PLXDC2: variants seen among roughly 807,000 people sequenced by gnomAD.
PLXDC2 encodes the protein plexin domain-containing protein 2.
Under a neutral mutation model 68.9 loss-of-function variants are expected in PLXDC2, and 40 were observed. That is an observed-to-expected ratio of 0.58 (90% CI 0.45 to 0.76). The LOEUF is 0.76. Among genes scored for constraint, PLXDC2 ranks in the 30% least tolerant of loss-of-function variants. The pLI is 0.00. For missense variants in PLXDC2, 644 were observed against 661.9 expected (o/e 0.97, Z 0.30); for synonymous variants, 243 against 234.2 (o/e 1.04, Z -0.34).
At chr10:19,925,848 C>A (rs1833530582) in intron 1 of PLXDC2, among the ~76,000 whole-genome samples, 1 of 152,142 alleles carries the variant, frequency 6.6e-6, no homozygotes, top group South Asian at 2.1e-4. Context: ...CTGCTGTTTT[C>A]CACACAGTAA....
intron 4 of PLXDC2, among the ~76,000 whole-genome samples, chr10:20,090,086 A>T (rs534862424): frequency 6.6e-6 from 1 of 152,310 alleles, no homozygotes; most frequent in Admixed American, 6.5e-5. Context: ...GAATCTTCCC[A>T]GTTGGTAAAC....
chr10:20,253,656 T>C (rs1439739553), intron 13 of PLXDC2, among the ~76,000 whole-genome samples: 2 of 152,120 alleles, frequency 1.3e-5, no homozygotes, highest in African/African-American at 4.8e-5. Context: ...ACCTAGGGAT[T>C]CTGTAACTTT....
chr10:19,903,675 C>G (rs1453108701), intron 1 of PLXDC2, among the ~76,000 whole-genome samples: 1 of 144,626 alleles, frequency 6.9e-6, no homozygotes, highest in Non-Finnish European at 1.5e-5. Flanking sequence ...GTTTCACTTT[C>G]ATTTAGTTCT....
intron 1 of PLXDC2, among the ~76,000 whole-genome samples, chr10:19,834,377 CTG>C (rs1836751507): frequency 1.3e-5 from 2 of 149,538 alleles, no homozygotes; most frequent in Middle Eastern, 3.2e-3. Flanking sequence ...CTGTGTGTGT[CTG>C]TGAAGAGACA....
rs183947762 is a variant in PLXDC2 at position 19,820,038 on chromosome 10, T to C, written c.112+2847T>C. ...TAAAAATATGAAATATGAGTTTCTT[T>C]TTCCTTTAGAGAACAGATACAAGTT... On this transcript the variant is annotated intron_variant, in intron 1 of 13. Coordinates refer to ENST00000377252, the MANE Select transcript of PLXDC2 (RefSeq NM_032812.9). Among the ~76,000 whole-genome samples the C allele has an allele frequency of 2.6e-5, 4 of 152,360 alleles. No individual in the cohort carries two copies. The East Asian group carries it at 7.7e-4, about 29-fold the overall frequency.
chr10:19,938,981 A>G (rs1035093312), intron 1 of PLXDC2, among the ~76,000 whole-genome samples: 5 of 152,146 alleles, frequency 3.3e-5, no homozygotes, highest in Non-Finnish European at 7.4e-5. Flanking sequence ...TAGAGTGGGC[A>G]TGAAAAAAAA....
intron 4 of PLXDC2, among the ~76,000 whole-genome samples, chr10:20,073,505 A>G (rs1836378021): frequency 1.3e-5 from 2 of 152,218 alleles, no homozygotes; most frequent in Non-Finnish European, 2.9e-5. Context: ...ATAGCTAAAC[A>G]TCTGGTCATT....
At chr10:20,139,922 G>A (rs1833979529) in intron 4 of PLXDC2, among the ~76,000 whole-genome samples, 1 of 152,118 alleles carries the variant, frequency 6.6e-6, no homozygotes, top group African/African-American at 2.4e-5. Context: ...ATTGATGGGT[G>A]CAGCAAACCA....
chr10:19,969,581 T>A (rs970674249), intron 1 of PLXDC2, among the ~76,000 whole-genome samples: 8 of 152,198 alleles, frequency 5.3e-5, no homozygotes, highest in Non-Finnish European at 1.2e-4. Flanking sequence ...AGTGAGAATT[T>A]AGTAGAAAAG....
chr10:19,928,749 C>CTTTT (rs796581734), intron 1 of PLXDC2, among the ~76,000 whole-genome samples: 5 of 105,182 alleles, frequency 4.8e-5, no homozygotes, highest in Non-Finnish European at 7.8e-5. Flanking sequence ...GAAGATAGGA[C>CTTTT]TTTTTTTTTT....
chr10:19,855,021 A>G (rs1837187373), intron 1 of PLXDC2, among the ~76,000 whole-genome samples: 1 of 152,228 alleles, frequency 6.6e-6, no homozygotes, highest in Non-Finnish European at 1.5e-5. Flanking sequence ...TACTATGAAT[A>G]GATTCAACTG....
chr10:19,839,290 A>G (rs1350808026), intron 1 of PLXDC2, among the ~76,000 whole-genome samples: 1 of 152,118 alleles, frequency 6.6e-6, no homozygotes, highest in African/African-American at 2.4e-5. Flanking sequence ...TGCCCTGGGC[A>G]TGTGGCCCAG....
In PLXDC2 at chr10:20,002,446, G is replaced by A. The variant is rs148987979; in HGVS notation, c.324+460G>A. Among the ~76,000 whole-genome samples the A allele has an allele frequency of 2.1e-3, 325 of 152,150 alleles. 1 individual carries two copies. In the Middle Eastern group the frequency reaches 0.031, roughly 14 times the overall value. On this transcript the variant is annotated intron_variant, in intron 2 of 13. Coordinates refer to ENST00000377252, the MANE Select transcript of PLXDC2 (RefSeq NM_032812.9). Reference sequence around the variant, plus strand: ...GGCTATTTTTTGTATTTTTAGTAGAGATGGCATTTCACCATGTTTGCCAGG... The same window carrying A: ...GGCTATTTTTTGTATTTTTAGTAGAAATGGCATTTCACCATGTTTGCCAGG...
intron 4 of PLXDC2, among the ~76,000 whole-genome samples, chr10:20,124,670 G>T (rs543876992): frequency 6.6e-6 from 1 of 151,924 alleles, no homozygotes; most frequent in Admixed American, 6.6e-5. Flanking sequence ...CGTTTTATAG[G>T]ATTTGGATAG....
At chr10:20,001,693 C>CT (rs1834941074) in intron 1 of PLXDC2, 82 bp from the exon 2 acceptor site, 1 of 1,299,496 alleles carries the variant, frequency 7.7e-7, no homozygotes, top group African/African-American at 1.5e-5. Context: ...TCACAGAATT[C>CT]TTTTTTCTTC....
intron 6 of PLXDC2, 39 bp from the exon 7 acceptor site, chr10:20,164,429 C>A: frequency 6.7e-7 from 1 of 1,495,578 alleles, no homozygotes; most frequent in Non-Finnish European, 9.3e-7. Flanking sequence ...GTATGAAATT[C>A]AGATCTAACA....
At chr10:20,012,001 T>C (rs1010826207) in intron 2 of PLXDC2, among the ~76,000 whole-genome samples, 3 of 152,186 alleles carry the variant, frequency 2.0e-5, no homozygotes, top group African/African-American at 7.2e-5. Flanking sequence ...TCTGTAATTG[T>C]ATGGTGGCAA....
intron 12 of PLXDC2, among the ~76,000 whole-genome samples, chr10:20,222,804 A>G (rs1422505624): frequency 6.6e-6 from 1 of 152,140 alleles, no homozygotes; most frequent in Non-Finnish European, 1.5e-5. Context: ...ACTGGGCAAC[A>G]TAGCAAGACC....
chr10:19,856,616 T>G (rs886751254), intron 1 of PLXDC2, among the ~76,000 whole-genome samples: 1 of 152,184 alleles, frequency 6.6e-6, no homozygotes, highest in Non-Finnish European at 1.5e-5. Flanking sequence ...TGATGCTCAT[T>G]TCGTCTTTTT....
Sources: allele counts gnomAD v4.1 joint callset (sites outside exome capture counted in the v4.1 genomes callset), GRCh38; gene constraint gnomAD v4.1.1; transcripts MANE v1.5; gene names NCBI Gene and HGNC (gene_info 2026-07-23, HGNC 2026-07-21).